Variants in BAIAP2L1 observed in about 807,000 individuals in gnomAD.
The protein encoded by BAIAP2L1 is BAR/IMD domain containing adaptor protein 2 like 1.
Under a neutral mutation model 66.3 loss-of-function variants are expected in BAIAP2L1, and 35 were observed. The ratio of observed to expected loss-of-function variants is 0.53; its 90% CI spans 0.40 to 0.70. BAIAP2L1 has a LOEUF of 0.70. Ranked by LOEUF, BAIAP2L1 falls within the 30% of genes least tolerant of loss-of-function variation. BAIAP2L1 has a pLI of 0.00. For missense variants in BAIAP2L1, 622 were observed against 656.9 expected (o/e 0.95, Z 0.58); for synonymous variants, 269 against 248.7 (o/e 1.08, Z -0.77).
Position 98,385,700 on chromosome 7 carries a change from C to T in BAIAP2L1, c.51+15102G>A, listed in dbSNP as rs187137348. On this transcript the variant is annotated intron_variant, in intron 1 of 13. Transcript: ENST00000005260. ...AAGTGCTGGGATTATAGGCAGGAGC[C>T]CCCACACCCAGCCAGGAATCAACAT... is the stretch of plus-strand genomic sequence containing the variant. 5.1e-4 allele frequency: 524 copies of T among 1,033,694 alleles called. No homozygotes were observed. In the African/African-American group the frequency reaches 6.6e-3, roughly 13 times the overall value. 64.0% of individuals were successfully genotyped at this position (1,033,694 alleles called of 1,614,324 possible).
At chr7:98,356,050 T>C (rs1212273371) in intron 2 of BAIAP2L1, among the ~76,000 whole-genome samples, 2 of 152,214 alleles carry the variant, frequency 1.3e-5, no homozygotes, top group East Asian at 1.9e-4. Flanking sequence ...AAAACTTTTA[T>C]TGCTACAAGG....
At chr7:98,314,551 C>G (rs2116885253) in intron 7 of BAIAP2L1, among the ~76,000 whole-genome samples, 1 of 152,324 alleles carries the variant, frequency 6.6e-6, no homozygotes, top group South Asian at 2.1e-4. Context: ...TGTGTTGCAT[C>G]ATGATTCCTG....
At chr7:98,314,731 C>T (rs1226645878) in intron 7 of BAIAP2L1, among the ~76,000 whole-genome samples, 8 of 152,098 alleles carry the variant, frequency 5.3e-5, no homozygotes, top group Admixed American at 3.9e-4. Context: ...CCGTGACCCC[C>T]GGACACGGAC....
At chr7:98,379,413 A>G (rs1802708166) in intron 1 of BAIAP2L1, among the ~76,000 whole-genome samples, 1 of 152,210 alleles carries the variant, frequency 6.6e-6, no homozygotes, top group Non-Finnish European at 1.5e-5. Flanking sequence ...TCAGCCTCGA[A>G]AATTGAGCAT....
chr7:98,310,322 T>G, intron 9 of BAIAP2L1, 123 bp downstream of exon 9: 1 of 1,093,896 alleles, frequency 9.1e-7, no homozygotes, highest in Non-Finnish European at 1.3e-6. Flanking sequence ...GCTGAATGTA[T>G]CTACCATACC....
chr7:98,309,721 C>T (rs1800800452), intron 9 of BAIAP2L1: 2 of 152,352 alleles, frequency 1.3e-5, no homozygotes, highest in South Asian at 4.2e-4. Context: ...AACCTTCACA[C>T]CATGGGGGCC....
At position 98,317,073 on chromosome 7, in the gene BAIAP2L1, G is replaced by C. The variant is rs113180946; in HGVS notation, c.486+146C>G. ...TCACCACATTGGCCAGGCTGGTCTCGAACTCCTGACCTCATATGATCCTAC... is the reference window on the plus strand; with the variant it reads ...TCACCACATTGGCCAGGCTGGTCTCCAACTCCTGACCTCATATGATCCTAC... On this transcript the variant is annotated intron_variant, in intron 6 of 13. Coordinates refer to ENST00000005260, the MANE Select transcript of BAIAP2L1 (RefSeq NM_018842.5). 5,865 of 999,912 alleles carry C rather than the reference G, an allele frequency of 5.9e-3. 230 individuals carry two copies. The African/African-American group carries it at 0.085, about 14-fold the overall frequency. The allele number at this position is 999,912 out of a possible 1,614,324, so 61.9% of individuals were successfully genotyped here. A position where few individuals can be genotyped will look rare whatever the true frequency, so the allele number is the denominator to read the frequency against.
At chr7:98,356,507 T>A (rs1242428371) in intron 2 of BAIAP2L1, among the ~76,000 whole-genome samples, 2 of 151,736 alleles carry the variant, frequency 1.3e-5, no homozygotes, top group Non-Finnish European at 2.9e-5. Context: ...TTTTATTTTA[T>A]TTTTTTAGAG....
intron 1 of BAIAP2L1, among the ~76,000 whole-genome samples, chr7:98,380,795 C>T (rs1246187118): frequency 6.6e-6 from 1 of 150,836 alleles, no homozygotes; most frequent in Non-Finnish European, 1.5e-5. Context: ...ACTACCACCA[C>T]CACCATCGCC....
At chr7:98,312,063 C>A (rs1268365006) in intron 8 of BAIAP2L1, 34 bp downstream of exon 8, 1 of 1,555,370 alleles carries the variant, frequency 6.4e-7, no homozygotes, top group South Asian at 1.2e-5. Context: ...AGGAAACACA[C>A]GATTGAAATC....
Position 98,319,317 on chromosome 7 carries a change from G to T in BAIAP2L1, c.348+741C>A, listed in dbSNP as rs558556662. On this transcript the variant is annotated intron_variant, in intron 5 of 13. Transcript: ENST00000005260. The stretch of plus-strand genomic sequence containing the variant: ...GCTGAAATGGACAAAAGTGGATAGA[G>T]AAGGGGCGCCATGCAGGAGCGGTCT... Among the ~76,000 whole-genome samples, 5 of 152,310 alleles carry T rather than the reference G, an allele frequency of 3.3e-5. No homozygotes were observed. In the East Asian group the frequency reaches 9.7e-4, roughly 29 times the overall value.
intron 1 of BAIAP2L1, among the ~76,000 whole-genome samples, chr7:98,383,385 G>A (rs1293814032): frequency 6.6e-6 from 1 of 150,542 alleles, no homozygotes; most frequent in Non-Finnish European, 1.5e-5. Flanking sequence ...CCTGGTTCAA[G>A]CGATTCTCCT....
intron 3 of BAIAP2L1, 120 bp downstream of exon 3, chr7:98,354,922 A>G (rs747335449): frequency 4.0e-6 from 3 of 750,802 alleles, no homozygotes; most frequent in Non-Finnish European, 7.0e-6. Context: ...GCGGTGAAGT[A>G]GAACCACAGC....
intron 8 of BAIAP2L1, 94 bp from the exon 9 acceptor site, chr7:98,310,686 C>CAATTTATT: frequency 3.7e-6 from 3 of 804,098 alleles, no homozygotes; most frequent in Non-Finnish European, 5.5e-6. Context: ...AAATAATAGG[C>CAATTTATT]TATTTATTTA....
intron 1 of BAIAP2L1, among the ~76,000 whole-genome samples, chr7:98,383,036 G>T (rs1363055438): frequency 6.6e-6 from 1 of 151,944 alleles, no homozygotes; most frequent in Admixed American, 6.6e-5. Flanking sequence ...GGTAGCACGT[G>T]CCTGTAATCC....
At chr7:98,347,731 C>T (rs1801904662) in intron 3 of BAIAP2L1, among the ~76,000 whole-genome samples, 1 of 151,630 alleles carries the variant, frequency 6.6e-6, no homozygotes, top group South Asian at 2.1e-4. Context: ...GCCAAGATCG[C>T]GCCACTGCAC....
chr7:98,296,887 CCT>C (rs1236934033), intron 12 of BAIAP2L1, among the ~76,000 whole-genome samples: 1 of 152,200 alleles, frequency 6.6e-6, no homozygotes, highest in Non-Finnish European at 1.5e-5. Flanking sequence ...TCCCTGCGTC[CCT>C]GTCTCAACCG....
chr7:98,293,532 T>C lies in BAIAP2L1; in HGVS notation c.1525A>G (p.Ile509Val). ...CCTTGGCTGTCCTCTCATCGAATGA[T>C]GGGTGCCGAGCGATCATTCGTCACA... is the stretch of plus-strand genomic sequence containing the variant. ...PTVTNDRSAP[I>V]IR The change falls in exon 14 of 14, where the codon ATC becomes GTC. Residue 509 changes from isoleucine (I) to valine (V), a missense_variant. Ile to Val is a conservative substitution (Grantham distance 29, BLOSUM62 3). Transcript: ENST00000005260. 1.9e-6 allele frequency: 3 copies of C among 1,613,448 alleles called. No individual in the cohort carries two copies. Among genetic ancestry groups the C allele is most frequent in the Non-Finnish European group, 2.5e-6 (3 of 1,179,760 alleles).
intron 2 of BAIAP2L1, among the ~76,000 whole-genome samples, chr7:98,357,756 A>T (rs1465591328): frequency 6.6e-6 from 1 of 152,156 alleles, no homozygotes; most frequent in African/African-American, 2.4e-5. Context: ...TAGTTAATCT[A>T]TCCAATTATG....
Sources: gnomAD v4.1 joint callset for allele counts (sites outside exome capture counted in the v4.1 genomes callset) on GRCh38, gnomAD v4.1.1 for gene constraint, MANE v1.5 for transcripts, NCBI Gene and HGNC (gene_info 2026-07-23, HGNC 2026-07-21) for gene names.